Variants in SLC45A1 observed in about 807,000 individuals in gnomAD.
SLC45A1 encodes the protein proton-associated sugar transporter A.
Under a neutral mutation model 57.6 loss-of-function variants are expected in SLC45A1, and 28 were observed. The observed-to-expected ratio is 0.49, with a 90% confidence interval of 0.36 to 0.67. SLC45A1 has a LOEUF of 0.67. Ranked by LOEUF, SLC45A1 falls within the 30% of genes least tolerant of loss-of-function variation. The probability of loss-of-function intolerance (pLI) is 0.00; values close to 1 mark genes in which losing one functional copy is unlikely to be tolerated. For synonymous variants in SLC45A1, 459 were observed against 471.5 expected (o/e 0.97, Z 0.34); for missense variants, 814 against 1,041.5 (o/e 0.78, Z 3.01).
rs1640686786 is a variant in SLC45A1 at position 8,338,275 on chromosome 1, G to A, written c.1774+283G>A. ...AGGCCATAGCGAGGGCGAAGTGGGG[G>A]GCCCTGGGGGAACCCCAAGGCCACA... On this transcript the variant is annotated intron_variant, in intron 7 of 8. Transcript: ENST00000471889. 2.0e-5 allele frequency among the ~76,000 whole-genome samples: 3 copies of A among 152,108 alleles called. No homozygotes were observed. The South Asian group carries it at 6.2e-4, about 32-fold the overall frequency.
At position 8,337,862 on chromosome 1, in the gene SLC45A1, G is replaced by T. The variant is rs1351885534; in HGVS notation, c.1644G>T (p.Met548Ile). Residue 548 changes from methionine to isoleucine, a missense_variant, in exon 7 of 9, where the codon ATG becomes ATT. Transcript: ENST00000471889. ...EGMLLFYTDF[M>I]GEVVFQGDPK... ...TGTTGCTCTTCTACACAGACTTCAT[G>T]GGCGAGGTGGTGTTTCAGGGGGACC... 6.2e-7 allele frequency: 1 copy of T among 1,614,234 alleles called. No individual in the cohort carries two copies.
intron 8 of SLC45A1, 43 bp downstream of exon 8, chr1:8,339,741 G>T (rs368400151): frequency 2.3e-5 from 36 of 1,551,542 alleles, no homozygotes; most frequent in Non-Finnish European, 2.9e-5. Context: ...GCTTCTTGGA[G>T]AAACCCCACC....
intron 1 of SLC45A1, among the ~76,000 whole-genome samples, chr1:8,321,414 G>T (rs74841862): frequency 0.11 from 6,702 of 60,540 alleles, 493 homozygotes; most frequent in African/African-American, 0.23. Flanking sequence ...TCTTAGCAAG[G>T]CTTCAAGGCC....
chr1:8,336,966 C>T (rs1255250924), intron 6 of SLC45A1, among the ~76,000 whole-genome samples: 1 of 152,226 alleles, frequency 6.6e-6, no homozygotes, highest in African/African-American at 2.4e-5. Flanking sequence ...AGCACCTCCA[C>T]TGCTACCCTT....
At position 8,330,642 on chromosome 1, in the gene SLC45A1, C is replaced by T. The variant is rs368992612; in HGVS notation, c.1149C>T (p.Gly383=). Residue 383 remains glycine, a synonymous_variant, in exon 5 of 9, where the codon GGC becomes GGT. Transcript: ENST00000471889. This position sits in a 1 kb window ranked among gnomAD's most constrained non-coding sequence, Gnocchi z 8.4. Reference sequence around the variant, plus strand: ...GCGTCCTCATTGACTGCTTCACGGGCGGCCACGACAGCTACCTGGCCATCC... The same window carrying T: ...GCGTCCTCATTGACTGCTTCACGGGTGGCCACGACAGCTACCTGGCCATCC... The part of the protein sequence containing the change: ...IDSVLIDCFT[G]GHDSYLAIPG... 3.3e-5 allele frequency: 53 copies of T among 1,613,386 alleles called. No individual in the cohort carries two copies. The highest frequency in any genetic ancestry group is 4.5e-5 in the East Asian group (2 of 44,890).
At position 8,337,202 on chromosome 1, in the gene SLC45A1, G is replaced by T. The variant is rs1266535362; in HGVS notation, c.1598-614G>T. 2.0e-5 allele frequency among the ~76,000 whole-genome samples: 3 copies of T among 152,142 alleles called. No homozygotes were observed. In the East Asian group the frequency reaches 5.8e-4, roughly 29 times the overall value. The stretch of plus-strand genomic sequence containing the variant: ...CATCTTACATGGTGGCAGGCAAGAG[G>T]GCATGTGCAGGGGAACTCCCATTTA... On this transcript the variant is annotated intron_variant, in intron 6 of 8. Transcript: ENST00000471889.
Position 8,343,638 on chromosome 1 carries a change from C to T in SLC45A1, c.1981-109C>T, listed in dbSNP as rs775220644. On this transcript the variant is annotated intron_variant, in intron 8 of 8. Coordinates refer to ENST00000471889, the MANE Select transcript of SLC45A1 (RefSeq NM_001080397.3). The surrounding 1 kb of genome is among the most constrained non-coding windows in gnomAD (Gnocchi z 7.7). ...ATGTTGGCGCTGAAAAATGTGAGGCCGCTGTGTGTGGGCCGCTCGGGCCTC... is the reference window on the plus strand; with the variant it reads ...ATGTTGGCGCTGAAAAATGTGAGGCTGCTGTGTGTGGGCCGCTCGGGCCTC... 172 of 1,228,224 alleles carry T rather than the reference C, an allele frequency of 1.4e-4. 1 individual carries two copies. Among genetic ancestry groups the T allele is most frequent in the African/African-American group, 3.5e-4 (23 of 66,582 alleles). The allele number at this position is 1,228,224 out of a possible 1,614,324, so 76.1% of individuals were successfully genotyped here.
intron 7 of SLC45A1, 55 bp downstream of exon 7, chr1:8,338,047 G>A: frequency 6.5e-7 from 1 of 1,538,502 alleles, no homozygotes; most frequent in Non-Finnish European, 8.8e-7. Context: ...TGGGTCCATG[G>A]AGCATGCGAA....
At chr1:8,321,352 G>C (rs76546460) in intron 1 of SLC45A1, among the ~76,000 whole-genome samples, 35,649 of 151,622 alleles carry the variant, frequency 0.24, 4,337 homozygotes, top group Middle Eastern at 0.34. Context: ...GAAGTGACAG[G>C]AGACTCTGTC....
intron 1 of SLC45A1, among the ~76,000 whole-genome samples, chr1:8,323,317 C>A (rs1640089795): frequency 1.3e-5 from 2 of 152,016 alleles, no homozygotes; most frequent in African/African-American, 2.4e-5. Flanking sequence ...ATGATGAAAC[C>A]CCGTCTCTAC....
chr1:8,318,296 C>T, intron 1 of SLC45A1, 110 bp downstream of exon 1: 1 of 400,024 alleles, frequency 2.5e-6, no homozygotes, highest in South Asian at 1.3e-4. Flanking sequence ...GACCCGAGGC[C>T]GGCACGGAGA....
intron 1 of SLC45A1, among the ~76,000 whole-genome samples, chr1:8,320,372 G>A (rs1444488768): frequency 6.6e-6 from 1 of 152,230 alleles, no homozygotes; most frequent in Non-Finnish European, 1.5e-5. Context: ...GCTGGGAATG[G>A]TGGCTCATGC....
chr1:8,329,679 T>C (rs895444515), intron 4 of SLC45A1, among the ~76,000 whole-genome samples: 1 of 152,212 alleles, frequency 6.6e-6, no homozygotes, highest in Non-Finnish European at 1.5e-5. Flanking sequence ...TGCTGTAGGC[T>C]GATAGCTCAG....
intron 8 of SLC45A1, among the ~76,000 whole-genome samples, chr1:8,341,340 G>C (rs982380196): frequency 2.0e-5 from 3 of 151,020 alleles, no homozygotes; most frequent in African/African-American, 7.3e-5. Flanking sequence ...TTCAAGACCA[G>C]CCTGGCCAAC....
At chr1:8,332,408 T>C (rs1028909255) in intron 5 of SLC45A1, among the ~76,000 whole-genome samples, 1 of 152,190 alleles carries the variant, frequency 6.6e-6, no homozygotes, top group Non-Finnish European at 1.5e-5. Flanking sequence ...GCCAAGAACC[T>C]TCTGGAAAGC....
rs78866925 is a variant in SLC45A1 at position 8,335,960 on chromosome 1, C to T, written c.1597+370C>T. On this transcript the variant is annotated intron_variant, in intron 6 of 8. Coordinates refer to ENST00000471889, the MANE Select transcript of SLC45A1 (RefSeq NM_001080397.3). The surrounding 1 kb of genome is among the most constrained non-coding windows in gnomAD (Gnocchi z 4.1). Reference sequence around the variant, plus strand: ...TCCCACCTTCCAACTTTGTCTTGCTCTGTCTTCAAGCACAGACCCCACACC... The same window carrying T: ...TCCCACCTTCCAACTTTGTCTTGCTTTGTCTTCAAGCACAGACCCCACACC... 2.0e-4 allele frequency: 48 copies of T among 235,446 alleles called. No individual in the cohort carries two copies. In the East Asian group the frequency reaches 3.9e-3, roughly 19 times the overall value. 14.6% of individuals were successfully genotyped at this position (235,446 alleles called of 1,614,324 possible). A position where few individuals can be genotyped will look rare whatever the true frequency, so the allele number is the denominator to read the frequency against.
intron 1 of SLC45A1, among the ~76,000 whole-genome samples, chr1:8,321,641 G>A (rs1254614179): frequency 6.6e-6 from 1 of 152,198 alleles, no homozygotes; most frequent in African/African-American, 2.4e-5. Flanking sequence ...TGGAGGCTGG[G>A]TAGGTGAGTG....
Position 8,337,888 on chromosome 1 carries a change from C to T in SLC45A1, c.1670C>T (p.Pro557Leu), listed in dbSNP as rs1640671345. The T allele has an allele frequency of 6.2e-7, 1 of 1,614,132 alleles. No homozygotes were observed. Among genetic ancestry groups the T allele is most frequent in the Non-Finnish European group, 8.5e-7 (1 of 1,180,040 alleles). The change falls in exon 7 of 9, where the codon CCC (proline) becomes CTC (leucine). Residue 557 changes from proline (P) to leucine (L), a missense_variant. By Grantham distance (98) the Pro-to-Leu change is moderately conservative. Transcript: ENST00000471889. Reference protein sequence around the residue: ...FMGEVVFQGDPKAPHTSEAYQ... With the variant: ...FMGEVVFQGDLKAPHTSEAYQ... The stretch of plus-strand genomic sequence containing the variant: ...GGCGAGGTGGTGTTTCAGGGGGACC[C>T]CAAGGCCCCGCACACATCAGAGGCG...
intron 1 of SLC45A1, among the ~76,000 whole-genome samples, chr1:8,319,182 AG>A (rs1639916266): frequency 6.6e-6 from 1 of 152,210 alleles, no homozygotes; most frequent in African/African-American, 2.4e-5. Flanking sequence ...TGGGAAGCTG[AG>A]GCAGGAGAAT....
Sources: allele counts gnomAD v4.1 joint callset (sites outside exome capture counted in the v4.1 genomes callset), GRCh38; gene constraint gnomAD v4.1.1; non-coding constraint Gnocchi (gnomAD v3.1); transcripts MANE v1.5; gene names NCBI Gene and HGNC (gene_info 2026-07-23, HGNC 2026-07-21).